Variants in SPSB2 observed in about 807,000 individuals in gnomAD.
SPSB2 encodes SPRY domain-containing SOCS box protein 2.
In SPSB2, 25 loss-of-function variants were observed where a neutral mutation model predicts 19.2. The ratio of observed to expected loss-of-function variants is 1.30; its 90% CI spans 0.95 to 1.82. The LOEUF (loss-of-function observed/expected upper bound fraction) is 1.82. Among genes scored for constraint, SPSB2 ranks in the 40% most tolerant of loss-of-function variants. SPSB2 has a pLI of 0.00. For missense variants in SPSB2, 413 were observed against 344.9 expected (o/e 1.20, Z -1.56); for synonymous variants, 153 against 154.9 (o/e 0.99, Z 0.09).
chr12:6,873,097 T>C, intron 1 of SPSB2, 100 bp from the exon 2 acceptor site: 1 of 555,788 alleles, frequency 1.8e-6, no homozygotes, highest in Non-Finnish European at 3.2e-6. Flanking sequence ...CGCTCCTCCC[T>C]CCTCGCTGCC....
In SPSB2 at chr12:6,872,478, G is replaced by T. The variant is rs781993959; in HGVS notation, c.424C>A (p.His142Asn). ...GWDIGRGKLY[H>N]QSKGPGAPQY... ...GGGGCTCCGGGCCCCTTGCTCTGAT[G>T]GTACAGCTTCCCCCGCCCGATGTCC... Residue 142 changes from histidine (H) to asparagine (N), a missense_variant, in exon 2 of 3, where the codon CAT becomes AAT. Coordinates refer to ENST00000524270, the MANE Select transcript of SPSB2 (RefSeq NM_032641.4). 2 of 1,613,656 alleles carry T rather than the reference G, an allele frequency of 1.2e-6. No individual in the cohort carries two copies. The highest frequency in any genetic ancestry group is 2.2e-5 in the South Asian group (2 of 91,084).
At chr12:6,872,136 T>G in intron 2 of SPSB2, 102 bp downstream of exon 2, 1 of 1,613,022 alleles carries the variant, frequency 6.2e-7, no homozygotes, top group Non-Finnish European at 8.5e-7. Context: ...TGAGGCAGGC[T>G]GGATGAAGGT....
chr12:6,871,610 G>A (rs1018778133), intron 2 of SPSB2: 2 of 492,368 alleles, frequency 4.1e-6, no homozygotes, highest in Admixed American at 3.7e-5. Flanking sequence ...TTGGGAGCTG[G>A]GGCTGAGGTG....
intron 2 of SPSB2, 105 bp downstream of exon 2, chr12:6,872,133 G>C (rs781991206): frequency 1.2e-6 from 2 of 1,612,878 alleles, no homozygotes; most frequent in African/African-American, 2.7e-5. Flanking sequence ...GGTTGAGGCA[G>C]GCTGGATGAA....
At chr12:6,872,088 G>A in intron 2 of SPSB2, 150 bp downstream of exon 2, 1 of 1,593,408 alleles carries the variant, frequency 6.3e-7, no homozygotes, top group Non-Finnish European at 8.6e-7. Flanking sequence ...AATAACAGCT[G>A]TGAAGACCCC....
rs782302342 is a variant in SPSB2 at position 6,872,929 on chromosome 12, A to G, written c.-28T>C. The G allele has an allele frequency of 3.4e-6, 5 of 1,477,332 alleles. No individual in the cohort carries two copies. Among genetic ancestry groups the G allele is most frequent in the Non-Finnish European group, 4.6e-6 (5 of 1,095,678 alleles). The allele number at this position is 1,477,332 out of a possible 1,614,324, so 91.5% of individuals were successfully genotyped here. ...AGGTGAGGAGCTAGAGGACTCCCCG[A>G]AAGAGGCTTGCTGGGGCGTCTTTCT... On this transcript the variant is annotated 5_prime_UTR_variant, in exon 2 of 3. Transcript: ENST00000524270.
chr12:6,872,044 C>A, intron 2 of SPSB2, 194 bp downstream of exon 2: 2 of 1,505,350 alleles, frequency 1.3e-6, no homozygotes, highest in South Asian at 2.6e-5. Context: ...CTTTCTCAAG[C>A]CTGTTTCACC....
intron 2 of SPSB2, chr12:6,871,763 C>T (rs1055985835): frequency 5.7e-5 from 21 of 371,140 alleles, no homozygotes; most frequent in African/African-American, 4.3e-4. Flanking sequence ...CTCCCTGGTG[C>T]CCAGGGCCCC....
chr12:6,873,205 T>C, intron 1 of SPSB2, 41 bp downstream of exon 1: 3 of 302,054 alleles, frequency 9.9e-6, no homozygotes, highest in Non-Finnish European at 6.1e-6. Context: ...GCATGGACCA[T>C]CCCCCTTACT....
At chr12:6,871,915 C>G in intron 2 of SPSB2, 2 of 1,268,980 alleles carry the variant, frequency 1.6e-6, no homozygotes, top group Non-Finnish European at 2.1e-6. Context: ...AAACCCAGTA[C>G]CTAACGCTTT....
chr12:6,872,328 G>A lies in SPSB2; in HGVS notation c.574C>T (p.Arg192Cys). The A allele has an allele frequency of 2.5e-6, 4 of 1,614,190 alleles. No homozygotes were observed. The highest frequency in any genetic ancestry group is 3.4e-6 in the Non-Finnish European group (4 of 1,180,022). ...TAGAGGGTCCTGCCCTTCAGTCCGC[G>A]GAATGCTGGCCCCAGGTAGGTGCCC... ...IGGTYLGPAFRGLKGRTLYPA... is the reference protein window; with the variant it reads ...IGGTYLGPAFCGLKGRTLYPA... The change falls in exon 2 of 3, where the codon CGC becomes TGC. Residue 192 changes from arginine to cysteine, a missense_variant. Arg to Cys is a radical substitution (Grantham distance 180). Coordinates refer to ENST00000524270, the MANE Select transcript of SPSB2 (RefSeq NM_032641.4).
Position 6,872,578 on chromosome 12 carries a change from C to G in SPSB2, c.324G>C (p.Val108=). The change falls in exon 2 of 3, where the codon GTG becomes GTC. Residue 108 remains valine, a synonymous_variant. Coordinates refer to ENST00000524270, the MANE Select transcript of SPSB2 (RefSeq NM_032641.4). ...TCTGCAGCGGGGCGAGGGCCGTGGC[C>G]ACGCCCACCACGGCATGCGTGCCCC... ...EQRGTHAVVG[V]ATALAPLQTD... is the part of the protein sequence containing the mutation. The G allele has an allele frequency of 6.2e-7, 1 of 1,608,028 alleles. No individual in the cohort carries two copies. Among genetic ancestry groups the G allele is most frequent in the Non-Finnish European group, 8.5e-7 (1 of 1,178,848 alleles).
At chr12:6,871,828 A>C in intron 2 of SPSB2, 1 of 516,852 alleles carries the variant, frequency 1.9e-6, no homozygotes, top group Non-Finnish European at 3.3e-6. Context: ...TGGCACAGAG[A>C]CAGGTTAGAG....
chr12:6,872,189 A>G (rs782572845), intron 2 of SPSB2, 49 bp downstream of exon 2: 4 of 1,613,530 alleles, frequency 2.5e-6, no homozygotes, highest in Admixed American at 1.7e-5. Flanking sequence ...ATCCCAAACC[A>G]CTGCCACCAG....
chr12:6,872,998 C>T lies in SPSB2; in HGVS notation c.-85-12G>A, dbSNP rs11064437. On this transcript the variant is annotated splice_polypyrimidine_tract_variant and intron_variant, in intron 1 of 2. Coordinates refer to the SPSB2 transcript ENST00000523102. ...CAGTTTGGATTGACCTGGAAGGGAG[C>T]TGGGAGAAAAGGGGCGTGAAGAGCA... 0.039 allele frequency: 33,175 copies of T among 861,364 alleles called. 4,027 individuals carry two copies. Among genetic ancestry groups the T allele is most frequent in the East Asian group, 0.3 (11,034 of 37,330 alleles). 53.4% of individuals were successfully genotyped at this position (861,364 alleles called of 1,614,324 possible).
intron 2 of SPSB2, 179 bp from the exon 3 acceptor site, chr12:6,871,498 C>A: frequency 1.5e-6 from 1 of 676,840 alleles, no homozygotes. Context: ...TCACACATCC[C>A]TAGTCAGAGC....
intron 2 of SPSB2, chr12:6,871,915 C>A: frequency 7.9e-7 from 1 of 1,268,980 alleles, no homozygotes; most frequent in Non-Finnish European, 1.1e-6. Context: ...AAACCCAGTA[C>A]CTAACGCTTT....
At position 6,871,238 on chromosome 12, in the gene SPSB2, G is replaced by C; in HGVS notation, c.746C>G (p.Ala249Gly). The C allele has an allele frequency of 6.2e-7, 1 of 1,612,666 alleles. No individual in the cohort carries two copies. The change falls in exon 3 of 3, where the codon GCC (alanine) becomes GGC (glycine). Residue 249 changes from alanine to glycine, a missense_variant. Ala to Gly is a moderately conservative substitution (Grantham distance 60). Coordinates refer to ENST00000524270, the MANE Select transcript of SPSB2 (RefSeq NM_032641.4). ...CTTCATGGCAGGGGGCAAGGGCAGG[G>C]CAGACACCTGGCCGAGCCGGGTATC... ...LGDTRLGQVSALPLPPAMKRY... is the reference protein window; with the variant it reads ...LGDTRLGQVSGLPLPPAMKRY...
Position 6,870,988 on chromosome 12 carries a change from A to C in SPSB2, c.*204T>G. The C allele has an allele frequency of 1.4e-6, 1 of 691,434 alleles. No homozygotes were observed. The highest frequency in any genetic ancestry group is 2.6e-6 in the Non-Finnish European group (1 of 387,786). The allele number at this position is 691,434 out of a possible 1,614,324, so 42.8% of individuals were successfully genotyped here. A position where few individuals can be genotyped will look rare whatever the true frequency, so the allele number is the denominator to read the frequency against. On this transcript the variant is annotated 3_prime_UTR_variant, in exon 3 of 3. Coordinates refer to ENST00000524270, the MANE Select transcript of SPSB2 (RefSeq NM_032641.4). ...TACTTGAAAAAATGTTTTGCGTAGCAGACTGTCATAGCCTTGAACGCCGGC... is the reference window on the plus strand; with the variant it reads ...TACTTGAAAAAATGTTTTGCGTAGCCGACTGTCATAGCCTTGAACGCCGGC...
Sources: allele counts gnomAD v4.1 joint callset, GRCh38; gene constraint gnomAD v4.1.1; transcripts MANE v1.5; gene names NCBI Gene and HGNC (gene_info 2026-07-23, HGNC 2026-07-21).